The following MCOLN3 variants were observed in gnomAD, a reference collection of about 807,000 sequenced individuals.
MCOLN3 encodes the protein mucolipin TRP cation channel 3, also known as mucolipin-3.
A neutral mutation model predicts 69.4 loss-of-function variants in MCOLN3; 62 were observed. The ratio of observed to expected loss-of-function variants is 0.89; its 90% CI spans 0.73 to 1.10. The LOEUF is 1.10. Ranked by LOEUF, MCOLN3 falls within the 50% of genes least tolerant of loss-of-function variation. MCOLN3 has a pLI of 0.00. For missense variants in MCOLN3, 564 were observed against 656.4 expected (o/e 0.86, Z 1.54); for synonymous variants, 183 against 217.0 (o/e 0.84, Z 1.38).
chr1:85,038,548 T>C (rs1652910301), intron 3 of MCOLN3, among the ~76,000 whole-genome samples: 2 of 152,170 alleles, frequency 1.3e-5, no homozygotes, highest in African/African-American at 4.8e-5. Flanking sequence ...GGCTAAACCC[T>C]TGGGGATAAC....
At chr1:85,041,926 T>C (rs1273655511) in intron 2 of MCOLN3, among the ~76,000 whole-genome samples, 1 of 149,092 alleles carries the variant, frequency 6.7e-6, no homozygotes, top group Admixed American at 6.7e-5. Flanking sequence ...TTTTGTCTTC[T>C]CTTCCCTCTC....
rs1022184574 is a variant in MCOLN3, at chr1:85,029,095, G to A, written c.832+11C>T. The A allele has an allele frequency of 1.7e-5, 25 of 1,482,518 alleles. No individual in the cohort carries two copies. The highest frequency in any genetic ancestry group is 1.7e-4 in the African/African-American group (12 of 72,104). The allele number at this position is 1,482,518 out of a possible 1,614,324, so 91.8% of individuals were successfully genotyped here. A position where few individuals can be genotyped will look rare whatever the true frequency, so the allele number is the denominator to read the frequency against. Reference sequence around the variant, plus strand: ...TAACCATTCTGAAAACTAGTAATGCGCATCACTTACTTGATCCAGATACAT... The same window carrying A: ...TAACCATTCTGAAAACTAGTAATGCACATCACTTACTTGATCCAGATACAT... On this transcript the variant is annotated intron_variant, in intron 7 of 12. Coordinates refer to ENST00000370589, the MANE Select transcript of MCOLN3 (RefSeq NM_018298.11).
In MCOLN3 at chr1:85,018,911, C is replaced by A; in HGVS notation, c.*212G>T. On this transcript the variant is annotated 3_prime_UTR_variant, in exon 13 of 13. Transcript: ENST00000370589. ...ATAATAATAATCCAATAGCTTTCCT[C>A]ATTAAAGTTTTTTTAAAAACAATCC... The A allele has an allele frequency of 2.0e-6, 1 of 491,952 alleles. No homozygotes were observed. Among genetic ancestry groups the A allele is most frequent in the Non-Finnish European group, 3.5e-6 (1 of 283,516 alleles). 30.5% of individuals were successfully genotyped at this position (491,952 alleles called of 1,614,324 possible). A position where few individuals can be genotyped will look rare whatever the true frequency, so the allele number is the denominator to read the frequency against.
chr1:85,031,632 A>G lies in MCOLN3; in HGVS notation c.732+1064T>C, dbSNP rs922822442. On this transcript the variant is annotated intron_variant, in intron 6 of 12. Coordinates refer to ENST00000370589, the MANE Select transcript of MCOLN3 (RefSeq NM_018298.11). ...CCTGCACTGTAAGAAATGTTGCAGG[A>G]AGCCCTTCAGGCAGAAGGAAAATAA... 2.6e-5 allele frequency among the ~76,000 whole-genome samples: 4 copies of G among 152,226 alleles called. No homozygotes were observed. In the East Asian group the frequency reaches 7.7e-4, roughly 29 times the overall value.
intron 4 of MCOLN3, among the ~76,000 whole-genome samples, chr1:85,033,726 A>G (rs1229164980): frequency 6.6e-6 from 1 of 152,170 alleles, no homozygotes; most frequent in African/African-American, 2.4e-5. Context: ...ATATCTATCT[A>G]TTAATACTTC....
intron 2 of MCOLN3, among the ~76,000 whole-genome samples, chr1:85,041,510 G>T (rs890366069): frequency 6.6e-6 from 1 of 152,150 alleles, no homozygotes; most frequent in Admixed American, 6.5e-5. Flanking sequence ...CTCAGTTGTT[G>T]ACACACACAA....
intron 2 of MCOLN3, among the ~76,000 whole-genome samples, chr1:85,044,546 C>T (rs1653243378): frequency 6.6e-6 from 1 of 152,148 alleles, no homozygotes; most frequent in Non-Finnish European, 1.5e-5. Context: ...ATGGTTCCCC[C>T]TTTCCCCCAA....
intron 3 of MCOLN3, among the ~76,000 whole-genome samples, chr1:85,039,950 C>A (rs1435511198): frequency 1.0e-4 from 15 of 145,558 alleles, no homozygotes; most frequent in Admixed American, 1.4e-4. Flanking sequence ...GATCCTGTCT[C>A]AAAAAAAAAA....
intron 3 of MCOLN3, 94 bp from the exon 4 acceptor site, chr1:85,034,345 G>A: frequency 1.5e-6 from 2 of 1,320,152 alleles, no homozygotes; most frequent in Non-Finnish European, 1.1e-6. Flanking sequence ...ATCCTGGCAG[G>A]TTCCCTTGGG....
At chr1:85,047,236 C>T (rs971198914) in intron 1 of MCOLN3, 6 of 152,220 alleles carry the variant, frequency 3.9e-5, no homozygotes, top group African/African-American at 1.4e-4. Context: ...GAAAACAAGC[C>T]AACCAGCATA....
intron 2 of MCOLN3, among the ~76,000 whole-genome samples, chr1:85,043,911 A>T (rs994947442): frequency 6.6e-6 from 1 of 151,108 alleles, no homozygotes; most frequent in Non-Finnish European, 1.5e-5. Flanking sequence ...TGATCACCAC[A>T]CCTGGCTTAT....
intron 6 of MCOLN3, among the ~76,000 whole-genome samples, chr1:85,032,470 G>C (rs1652586261): frequency 6.6e-6 from 1 of 152,102 alleles, no homozygotes; most frequent in Non-Finnish European, 1.5e-5. Context: ...ACAAAACAAG[G>C]TCCCTGCTTT....
chr1:85,035,172 T>C (rs143012724), intron 3 of MCOLN3, among the ~76,000 whole-genome samples: 6 of 152,330 alleles, frequency 3.9e-5, no homozygotes, highest in Non-Finnish European at 8.8e-5. Context: ...CGGAATACTT[T>C]CTTTACTTGA....
intron 4 of MCOLN3, among the ~76,000 whole-genome samples, chr1:85,033,264 C>A (rs1304663988): frequency 6.6e-6 from 1 of 152,094 alleles, no homozygotes; most frequent in African/African-American, 2.4e-5. Flanking sequence ...GAGTCCCTCC[C>A]CCTTTTTGTA....
chr1:85,034,692 A>G (rs1652723900), intron 3 of MCOLN3, among the ~76,000 whole-genome samples: 1 of 152,232 alleles, frequency 6.6e-6, no homozygotes, highest in African/African-American at 2.4e-5. Context: ...CCTTTTTTAA[A>G]GAAAGTATTG....
intron 6 of MCOLN3, 123 bp downstream of exon 6, chr1:85,032,573 T>C (rs1355550713): frequency 7.9e-6 from 6 of 764,154 alleles, no homozygotes; most frequent in African/African-American, 6.9e-5. Flanking sequence ...GCTTCCCTTA[T>C]GCACATTCAA....
chr1:85,035,262 T>C (rs894977614), intron 3 of MCOLN3, among the ~76,000 whole-genome samples: 2 of 152,224 alleles, frequency 1.3e-5, no homozygotes, highest in African/African-American at 2.4e-5. Context: ...TTGGCCTATC[T>C]TTGGGTTCAG....
chr1:85,032,136 A>G (rs1652563577), intron 6 of MCOLN3, among the ~76,000 whole-genome samples: 1 of 152,194 alleles, frequency 6.6e-6, no homozygotes, highest in Non-Finnish European at 1.5e-5. Context: ...TTTATAACAC[A>G]TGTAGAAATA....
Position 85,039,653 on chromosome 1 carries a change from T to C in MCOLN3, c.396+1357A>G, listed in dbSNP as rs998457648. Reference sequence around the variant, plus strand: ...CAAATACTACATTTTGAAGACTGAGTCTAGGTCTACGAATAAAGGTTAAGA... The same window carrying C: ...CAAATACTACATTTTGAAGACTGAGCCTAGGTCTACGAATAAAGGTTAAGA... On this transcript the variant is annotated intron_variant, in intron 3 of 12. Coordinates refer to ENST00000370589, the MANE Select transcript of MCOLN3 (RefSeq NM_018298.11). Among the ~76,000 whole-genome samples the C allele has an allele frequency of 5.3e-5, 8 of 152,164 alleles. 1 individual carries two copies. Among genetic ancestry groups the C allele is most frequent in the Middle Eastern group, 6.8e-3 (2 of 294 alleles).
Sources: gnomAD v4.1 joint callset for allele counts (sites outside exome capture counted in the v4.1 genomes callset) on GRCh38, gnomAD v4.1.1 for gene constraint, MANE v1.5 for transcripts, NCBI Gene and HGNC (gene_info 2026-07-23, HGNC 2026-07-21) for gene names.